Variants in ERBB4 observed in about 807,000 individuals in gnomAD.
The protein encoded by ERBB4 is erb-b2 receptor tyrosine kinase 4.
A neutral mutation model predicts 158.0 loss-of-function variants in ERBB4; 42 were observed. That is an observed-to-expected ratio of 0.27 (90% confidence interval 0.21 to 0.34). The LOEUF (loss-of-function observed/expected upper bound fraction) is 0.34, where lower values mean the gene tolerates loss of function less well. ERBB4 is among the 10% of genes least tolerant of loss of function. The pLI, the probability that ERBB4 is intolerant of heterozygous loss-of-function variation, is 1.00. For missense variants in ERBB4, 1,333 were observed against 1,624.1 expected (o/e 0.82, Z 3.08); for synonymous variants, 583 against 558.7 (o/e 1.04, Z -0.61).
chr2:211,572,137 C>T (rs537938614), intron 19 of ERBB4, among the ~76,000 whole-genome samples: 1 of 152,270 alleles, frequency 6.6e-6, no homozygotes, highest in African/African-American at 2.4e-5. Flanking sequence ...AATTCAGGCT[C>T]ACATCACTAC....
intron 1 of ERBB4, among the ~76,000 whole-genome samples, chr2:212,276,635 A>G (rs147101790): frequency 0.017 from 2,510 of 151,932 alleles, 37 homozygotes; most frequent in Middle Eastern, 0.031. Flanking sequence ...CAATTTAACT[A>G]TTCATACTCA....
intron 3 of ERBB4, among the ~76,000 whole-genome samples, chr2:211,879,565 A>G (rs1001749244): frequency 9.2e-5 from 14 of 152,232 alleles, no homozygotes; most frequent in African/African-American, 2.9e-4. Context: ...GGATAAATTA[A>G]CAAAACTTTT....
intron 5 of ERBB4, among the ~76,000 whole-genome samples, chr2:211,749,130 C>G (rs1384468503): frequency 6.6e-6 from 1 of 152,048 alleles, no homozygotes; most frequent in Non-Finnish European, 1.5e-5. Context: ...CCAAAAATTC[C>G]CTAATGAACT....
intron 1 of ERBB4, among the ~76,000 whole-genome samples, chr2:212,273,993 G>T (rs1015706069): frequency 2.0e-5 from 3 of 151,748 alleles, no homozygotes; most frequent in Admixed American, 6.6e-5. Flanking sequence ...TTCACTGGAA[G>T]CCTTATTAAT....
intron 12 of ERBB4, among the ~76,000 whole-genome samples, chr2:211,691,747 TG>T (rs897256258): frequency 2.7e-5 from 4 of 150,608 alleles, no homozygotes; most frequent in Non-Finnish European, 5.9e-5. Flanking sequence ...GGCAAAGGGG[TG>T]GGGGAAAGGG....
intron 14 of ERBB4, 97 bp downstream of exon 14, chr2:211,673,067 A>C: frequency 1.1e-6 from 1 of 952,256 alleles, no homozygotes; most frequent in East Asian, 2.4e-5. Context: ...GCATCCTGTA[A>C]GTAGCTATTG....
chr2:211,768,297 G>A (rs999870205), intron 4 of ERBB4, among the ~76,000 whole-genome samples: 2 of 152,264 alleles, frequency 1.3e-5, no homozygotes, highest in African/African-American at 4.8e-5. Context: ...TCAAGGCCTG[G>A]CACTGAGTAT....
intron 4 of ERBB4, among the ~76,000 whole-genome samples, chr2:211,758,243 G>C (rs897188975): frequency 5.9e-5 from 9 of 152,110 alleles, no homozygotes; most frequent in African/African-American, 2.2e-4. Context: ...TGATATTACT[G>C]TTCTGTATAT....
intron 3 of ERBB4, among the ~76,000 whole-genome samples, chr2:211,839,634 CAT>C (rs1394105703): frequency 6.6e-6 from 1 of 152,052 alleles, no homozygotes; most frequent in East Asian, 1.9e-4. Context: ...AAATCATTGA[CAT>C]AAATATTCTA....
rs1053818227 is a variant in ERBB4 at position 211,701,880 on chromosome 2, C to T, written c.1489+87G>A. 7.1e-6 allele frequency: 7 copies of T among 988,128 alleles called. No individual in the cohort carries two copies. In the East Asian group the frequency reaches 1.2e-4, roughly 17 times the overall value. 61.2% of individuals were successfully genotyped at this position (988,128 alleles called of 1,614,324 possible). ...GGGATAACAGAGCAACAATTCTGAC[C>T]GGATGTTATTTTTAATTGTTTGGTC... On this transcript the variant is annotated intron_variant, in intron 12 of 27. Transcript: ENST00000342788.
chr2:212,265,521 T>C (rs1005979038), intron 1 of ERBB4, among the ~76,000 whole-genome samples: 2 of 152,074 alleles, frequency 1.3e-5, no homozygotes, highest in African/African-American at 4.8e-5. Flanking sequence ...GTCTATCTCA[T>C]TGGCTTTGGG....
At chr2:211,678,623 C>G (rs2072198483) in intron 13 of ERBB4, among the ~76,000 whole-genome samples, 1 of 152,088 alleles carries the variant, frequency 6.6e-6, no homozygotes, top group African/African-American at 2.4e-5. Flanking sequence ...GCAACAAGAG[C>G]TCTCCTTAAA....
chr2:211,689,465 T>A (rs930893639), intron 12 of ERBB4, among the ~76,000 whole-genome samples: 1 of 152,164 alleles, frequency 6.6e-6, no homozygotes, highest in Non-Finnish European at 1.5e-5. Flanking sequence ...CCCAAAGTGC[T>A]GGGATTACAG....
intron 3 of ERBB4, among the ~76,000 whole-genome samples, chr2:211,900,106 T>G (rs747231636): frequency 4.6e-5 from 7 of 152,170 alleles, no homozygotes; most frequent in Non-Finnish European, 8.8e-5. Context: ...AGGCCTCAAC[T>G]TTCCATCACA....
intron 20 of ERBB4, among the ~76,000 whole-genome samples, chr2:211,450,759 T>C (rs1014128267): frequency 6.6e-6 from 1 of 152,086 alleles, no homozygotes; most frequent in African/African-American, 2.4e-5. Flanking sequence ...CATCCACCCC[T>C]CCATAAGTCT....
At chr2:212,241,374 T>C (rs1247447181) in intron 1 of ERBB4, among the ~76,000 whole-genome samples, 1 of 152,222 alleles carries the variant, frequency 6.6e-6, no homozygotes, top group Non-Finnish European at 1.5e-5. Flanking sequence ...CATCTATATA[T>C]AACATCATCA....
At chr2:212,506,772 G>A (rs1203958779) in intron 1 of ERBB4, among the ~76,000 whole-genome samples, 1 of 152,118 alleles carries the variant, frequency 6.6e-6, no homozygotes, top group African/African-American at 2.4e-5. Flanking sequence ...TGAGGTTTAA[G>A]GATAGAAGCT....
intron 3 of ERBB4, among the ~76,000 whole-genome samples, chr2:211,880,904 G>T (rs1039953496): frequency 6.6e-6 from 1 of 152,108 alleles, no homozygotes; most frequent in Non-Finnish European, 1.5e-5. Context: ...TAATTGAAGA[G>T]GACCAACAAT....
intron 25 of ERBB4, among the ~76,000 whole-genome samples, chr2:211,402,648 A>T (rs12992515): frequency 2.6e-5 from 4 of 151,636 alleles, no homozygotes; most frequent in Admixed American, 6.6e-5. Context: ...TCAAGAGAAG[A>T]GAGCAAAAAC....
Sources: allele counts gnomAD v4.1 joint callset (sites outside exome capture counted in the v4.1 genomes callset), GRCh38; gene constraint gnomAD v4.1.1; transcripts MANE v1.5; gene names NCBI Gene and HGNC (gene_info 2026-07-23, HGNC 2026-07-21).